Variants in HMG20A observed in about 807,000 individuals in gnomAD.
HMG20A encodes the protein high mobility group protein 20A.
Under a neutral mutation model 43.9 loss-of-function variants are expected in HMG20A, and 17 were observed. The observed-to-expected ratio is 0.39, with a 90% CI of 0.27 to 0.58. The LOEUF (loss-of-function observed/expected upper bound fraction) is 0.58, where lower values mean the gene tolerates loss of function less well. Ranked by LOEUF, HMG20A falls within the 20% of genes least tolerant of loss-of-function variation. HMG20A has a pLI of 0.59. For synonymous variants in HMG20A, 132 were observed against 147.5 expected (o/e 0.89, Z 0.76); for missense variants, 341 against 438.2 (o/e 0.78, Z 1.98).
At chr15:77,488,804 C>T (rs2072958284), downstream of HMG20A, among the ~76,000 whole-genome samples, 3 of 152,212 alleles carry the variant, frequency 2.0e-5, no homozygotes, top group African/African-American at 7.2e-5. Flanking sequence ...TCAGAATGCA[C>T]TACAGGTAGT....
chr15:77,513,382 GC>G, the HMG20A span, among the ~76,000 whole-genome samples: 116 of 152,304 alleles, frequency 7.6e-4, no homozygotes, highest in African/African-American at 2.6e-3. Context: ...AGAAAGAAGT[GC>G]TTATGTTTGC....
intron 1 of HMG20A, among the ~76,000 whole-genome samples, chr15:77,440,270 G>T (rs2073597134): frequency 6.6e-6 from 1 of 152,088 alleles, no homozygotes; most frequent in South Asian, 2.1e-4. Flanking sequence ...AGATCATGAA[G>T]ACATTTAGAC....
chr15:77,425,027 A>G (rs1386040133), intron 1 of HMG20A, among the ~76,000 whole-genome samples: 13 of 151,648 alleles, frequency 8.6e-5, no homozygotes, highest in Non-Finnish European at 1.3e-4. Context: ...TGCCTGAAAC[A>G]CTCTTTTTTC....
At chr15:77,516,828 A>G in the HMG20A span, among the ~76,000 whole-genome samples, 36,554 of 152,012 alleles carry the variant, frequency 0.24, 5,167 homozygotes, top group Non-Finnish European at 0.32. Flanking sequence ...TGGTTGTGTG[A>G]GACACAACGG....
the HMG20A span, among the ~76,000 whole-genome samples, chr15:77,506,963 C>G: frequency 6.6e-6 from 1 of 152,216 alleles, no homozygotes; most frequent in Non-Finnish European, 1.5e-5. Flanking sequence ...GGCCACCATG[C>G]CTGTTTCTGG....
At chr15:77,489,317 G>A (rs948370742), downstream of HMG20A, among the ~76,000 whole-genome samples, 2 of 152,200 alleles carry the variant, frequency 1.3e-5, no homozygotes, top group Non-Finnish European at 2.9e-5. Flanking sequence ...TTAAGACACA[G>A]ATCTGATAAG....
intron 1 of HMG20A, among the ~76,000 whole-genome samples, chr15:77,444,320 A>G (rs1038380852): frequency 1.3e-5 from 2 of 152,170 alleles, no homozygotes; most frequent in Non-Finnish European, 2.9e-5. Flanking sequence ...GAAAGAACAA[A>G]ACAAATCGTT....
In HMG20A at chr15:77,464,466, G is replaced by A; in HGVS notation, c.237+79G>A. 3 of 1,470,510 alleles carry A rather than the reference G, an allele frequency of 2.0e-6. No individual in the cohort carries two copies. The South Asian group carries it at 3.6e-5, about 18-fold the overall frequency. The allele number at this position is 1,470,510 out of a possible 1,614,324, so 91.1% of individuals were successfully genotyped here. A position where few individuals can be genotyped will look rare whatever the true frequency, so the allele number is the denominator to read the frequency against. The stretch of plus-strand genomic sequence containing the variant: ...GTCACAAGGAAGGTGTGTTGATCAA[G>A]GTGTTCATATGACCTTCTTATATTC... On this transcript the variant is annotated intron_variant, in intron 3 of 9. Transcript: ENST00000336216.
chr15:77,515,625 T>C, the HMG20A span, among the ~76,000 whole-genome samples: 1 of 152,126 alleles, frequency 6.6e-6, no homozygotes, highest in African/African-American at 2.4e-5. Context: ...ATTTTTTAAA[T>C]GGAAGGATAC....
At chr15:77,512,526 G>T in the HMG20A span, among the ~76,000 whole-genome samples, 5 of 152,142 alleles carry the variant, frequency 3.3e-5, no homozygotes, top group East Asian at 1.9e-4. Flanking sequence ...TCAAAATGAT[G>T]ATCTGTGAGT....
intron 2 of HMG20A, among the ~76,000 whole-genome samples, chr15:77,462,777 T>TC (rs1225540891): frequency 1.4e-5 from 2 of 146,972 alleles, no homozygotes; most frequent in Admixed American, 6.7e-5. Flanking sequence ...TTTTTCTTTT[T>TC]TTTTTTTTTT....
At chr15:77,480,393 CT>C (rs1177672111) in intron 9 of HMG20A, among the ~76,000 whole-genome samples, 1 of 151,730 alleles carries the variant, frequency 6.6e-6, no homozygotes, top group Non-Finnish European at 1.5e-5. Flanking sequence ...GCAGTATTGC[CT>C]GAGCCCAGGA....
At chr15:77,437,505 C>T (rs1027462424) in intron 1 of HMG20A, among the ~76,000 whole-genome samples, 1 of 152,156 alleles carries the variant, frequency 6.6e-6, no homozygotes, top group Non-Finnish European at 1.5e-5. Flanking sequence ...GCTAAATTGG[C>T]AGTGTGTGCA....
downstream of HMG20A, among the ~76,000 whole-genome samples, chr15:77,485,922 C>T (rs2072942925): frequency 6.6e-6 from 1 of 152,212 alleles, no homozygotes; most frequent in Admixed American, 6.5e-5. Context: ...CAGAGCGAGA[C>T]TCCGTCTCAA....
intron 6 of HMG20A, among the ~76,000 whole-genome samples, chr15:77,476,487 A>G (rs1426882435): frequency 1.2e-4 from 4 of 32,240 alleles, no homozygotes; most frequent in African/African-American, 2.5e-4. Flanking sequence ...TCCCTCTCAG[A>G]AAAAAAAAAA....
the HMG20A span, among the ~76,000 whole-genome samples, chr15:77,493,281 C>G: frequency 2.6e-5 from 4 of 151,972 alleles, no homozygotes; most frequent in Non-Finnish European, 5.9e-5. Context: ...AAGGAAGGCC[C>G]CTTCAAGGAA....
In HMG20A at chr15:77,485,453, G is replaced by GA. The variant is rs1250073977; in HGVS notation, c.*2496dup. On this transcript the variant is annotated 3_prime_UTR_variant, in exon 10 of 10. Transcript: ENST00000336216. The stretch of plus-strand genomic sequence containing the variant: ...GGTATTTTATTTCTGACTGATTTTA[G>GA]AAAAAACTTGTGTACATGTGTTTGG... 1 of 152,608 alleles carries GA rather than the reference G, an allele frequency of 6.6e-6. No individual in the cohort carries two copies. Among genetic ancestry groups the GA allele is most frequent in the Non-Finnish European group, 1.5e-5 (1 of 68,030 alleles). The allele number at this position is 152,608 out of a possible 1,614,324, so 9.5% of individuals were successfully genotyped here. A position where few individuals can be genotyped will look rare whatever the true frequency, so the allele number is the denominator to read the frequency against.
rs987696777 is a variant in HMG20A at position 77,420,974 on chromosome 15, C to T, written c.-35C>T. The T allele has an allele frequency of 7.5e-6, 3 of 398,612 alleles. No homozygotes were observed. The highest frequency in any genetic ancestry group is 2.1e-5 in the African/African-American group (1 of 48,640). The allele number at this position is 398,612 out of a possible 1,614,324, so 24.7% of individuals were successfully genotyped here. ...CTGTGGAAGGGACTTTCTTTTGGCC[C>T]TAGGCCCCTTCCTGCCCCTGTCGTC... On this transcript the variant is annotated 5_prime_UTR_variant, in exon 1 of 10. Coordinates refer to ENST00000336216, the MANE Select transcript of HMG20A (RefSeq NM_001304504.2).
chr15:77,517,808 G>A, the HMG20A span, among the ~76,000 whole-genome samples: 497 of 151,818 alleles, frequency 3.3e-3, 3 homozygotes, highest in African/African-American at 0.011. Context: ...GAGACACTTC[G>A]CATACACTGT....
Sources: gnomAD v4.1 joint callset for allele counts (sites outside exome capture counted in the v4.1 genomes callset) on GRCh38, gnomAD v4.1.1 for gene constraint, MANE v1.5 for transcripts, NCBI Gene and HGNC (gene_info 2026-07-23, HGNC 2026-07-21) for gene names.